The following DOCK3 variants were observed in gnomAD, a reference collection of about 807,000 sequenced individuals.
DOCK3 encodes the protein dedicator of cytokinesis 3, also known as dedicator of cytokinesis protein 3.
In DOCK3, 60 loss-of-function variants were observed where a neutral mutation model predicts 265.6. The observed-to-expected ratio is 0.23, with a 90% CI of 0.18 to 0.28. The LOEUF is 0.28. Ranked by LOEUF, DOCK3 falls within the 10% of genes least tolerant of loss-of-function variation. The pLI, the probability that DOCK3 is intolerant of heterozygous loss-of-function variation, is 1.00. For synonymous variants in DOCK3, 881 were observed against 938.0 expected, an observed-to-expected ratio of 0.94 and a Z score of 1.11; for missense variants, 1,981 against 2,594.3, an observed-to-expected ratio of 0.76 and a Z score of 5.14.
At chr3:51,275,400 A>G (rs746387135) in intron 25 of DOCK3, among the ~76,000 whole-genome samples, 194 bp downstream of exon 25, 1 of 152,170 alleles carries the variant, frequency 6.6e-6, no homozygotes, top group Non-Finnish European at 1.5e-5. Flanking sequence ...CATTCTTGCT[A>G]TTTTTAAAGG....
At chr3:50,801,336 A>G (rs771720970) in intron 2 of DOCK3, among the ~76,000 whole-genome samples, 18 of 152,100 alleles carry the variant, frequency 1.2e-4, no homozygotes, top group Non-Finnish European at 2.5e-4. Context: ...GGCAGGAAAA[A>G]TGGTTATGGC....
chr3:51,314,135 G>C (rs1331971779), intron 31 of DOCK3, among the ~76,000 whole-genome samples: 1 of 152,164 alleles, frequency 6.6e-6, no homozygotes, highest in Non-Finnish European at 1.5e-5. Context: ...GCAGAGCTCT[G>C]AAAGATGGTT....
chr3:51,118,754 G>A (rs766035458), intron 9 of DOCK3, among the ~76,000 whole-genome samples: 24 of 151,088 alleles, frequency 1.6e-4, no homozygotes, highest in African/African-American at 4.4e-4. Flanking sequence ...GGTCTTGATC[G>A]TGTTGGTTAA....
intron 1 of DOCK3, among the ~76,000 whole-genome samples, chr3:50,718,330 A>G (rs1043562752): frequency 4.6e-5 from 7 of 152,144 alleles, no homozygotes; most frequent in East Asian, 1.9e-4. Flanking sequence ...CACTGTTTGT[A>G]GCTTTTATAC....
At chr3:51,071,961 T>G (rs2081891242) in intron 6 of DOCK3, among the ~76,000 whole-genome samples, 1 of 152,212 alleles carries the variant, frequency 6.6e-6, no homozygotes, top group Non-Finnish European at 1.5e-5. Context: ...ATAGTCTTAG[T>G]AGGAGGAACT....
At chr3:50,888,256 C>T (rs558460113) in intron 3 of DOCK3, among the ~76,000 whole-genome samples, 1 of 152,174 alleles carries the variant, frequency 6.6e-6, no homozygotes, top group South Asian at 2.1e-4. Flanking sequence ...AACTCCCATT[C>T]ACAATTGCGT....
chr3:50,922,639 C>G (rs774580198), intron 4 of DOCK3, among the ~76,000 whole-genome samples: 1 of 152,228 alleles, frequency 6.6e-6, no homozygotes, highest in Non-Finnish European at 1.5e-5. Context: ...GAGCTGTAGA[C>G]TGGAGCTGTT....
At chr3:51,087,354 A>G (rs1201320315) in intron 7 of DOCK3, among the ~76,000 whole-genome samples, 1 of 152,256 alleles carries the variant, frequency 6.6e-6, no homozygotes. Context: ...TCAGTGTGAT[A>G]CATCACATTG....
chr3:51,204,909 C>G (rs959879516), intron 12 of DOCK3, among the ~76,000 whole-genome samples: 3 of 151,680 alleles, frequency 2.0e-5, no homozygotes, highest in African/African-American at 7.3e-5. Context: ...AGTAAACTAT[C>G]GCAAGAACAA....
rs2088744865 is a variant in DOCK3, at chr3:51,382,872, CCT to C, written c.*1317_*1318del. The C allele has an allele frequency of 6.6e-6, 1 of 152,338 alleles. No individual in the cohort carries two copies. Among genetic ancestry groups the C allele is most frequent in the African/African-American group, 2.4e-5 (1 of 41,394 alleles). 9.4% of individuals were successfully genotyped at this position (152,338 alleles called of 1,614,324 possible). A position where few individuals can be genotyped will look rare whatever the true frequency, so the allele number is the denominator to read the frequency against. On this transcript the variant is annotated 3_prime_UTR_variant, in exon 53 of 53. Transcript: ENST00000266037. ...TCATTCAAGTCAGGGCACTGATTTTCCTCTCAGTTTATTATTTGGGGGGATAG... is the reference window on the plus strand; with the variant it reads ...TCATTCAAGTCAGGGCACTGATTTTCCTCAGTTTATTATTTGGGGGGATAG...
chr3:50,944,952 C>G (rs937806226), intron 5 of DOCK3, among the ~76,000 whole-genome samples: 1 of 152,150 alleles, frequency 6.6e-6, no homozygotes, highest in African/African-American at 2.4e-5. Context: ...AAGAATGAAA[C>G]TCCATCTCAA....
Position 51,381,740 on chromosome 3 carries a change from C to T in DOCK3, c.*181C>T. 1 of 719,844 alleles carries T rather than the reference C, an allele frequency of 1.4e-6. No homozygotes were observed. Among genetic ancestry groups the T allele is most frequent in the East Asian group, 3.0e-5 (1 of 33,606 alleles). The allele number at this position is 719,844 out of a possible 1,614,324, so 44.6% of individuals were successfully genotyped here. On this transcript the variant is annotated 3_prime_UTR_variant, in exon 53 of 53. Transcript: ENST00000266037. This position sits in a 1 kb window ranked among gnomAD's most constrained non-coding sequence, Gnocchi z 5.6. The stretch of plus-strand genomic sequence containing the variant: ...CATGTGTTGCCATGTACAGAGGCCA[C>T]AGCAGCATGAAGGGTTGTGGCTTCC...
chr3:51,044,913 A>C (rs971710960), intron 5 of DOCK3, among the ~76,000 whole-genome samples: 1 of 152,214 alleles, frequency 6.6e-6, no homozygotes, highest in Non-Finnish European at 1.5e-5. Context: ...TGGCTTTGGC[A>C]TAAGGGAATA....
chr3:51,360,751 A>C, intron 47 of DOCK3, 119 bp downstream of exon 47: 3 of 1,378,124 alleles, frequency 2.2e-6, no homozygotes, highest in Non-Finnish European at 2.9e-6. Context: ...CACAGCAAAC[A>C]CTTATGTGGC....
At chr3:50,929,797 A>G (rs7623868) in intron 4 of DOCK3, among the ~76,000 whole-genome samples, 14,373 of 152,346 alleles carry the variant, frequency 0.094, 839 homozygotes, top group Non-Finnish European at 0.12. Flanking sequence ...TAAAAAATAT[A>G]AAGAACAATA....
chr3:50,918,516 A>G (rs1317672627), intron 4 of DOCK3, among the ~76,000 whole-genome samples: 2 of 152,130 alleles, frequency 1.3e-5, no homozygotes, highest in African/African-American at 4.8e-5. Flanking sequence ...GCCAGTGATA[A>G]TGAGCCTTTT....
At chr3:51,294,065 A>G (rs1193385298) in intron 27 of DOCK3, among the ~76,000 whole-genome samples, 2 of 152,242 alleles carry the variant, frequency 1.3e-5, no homozygotes, top group Admixed American at 6.5e-5. Flanking sequence ...GAATTACCAT[A>G]TAATCCAACA....
intron 9 of DOCK3, among the ~76,000 whole-genome samples, chr3:51,096,665 C>T (rs749021380): frequency 3.3e-5 from 5 of 152,198 alleles, no homozygotes; most frequent in Non-Finnish European, 7.3e-5. Flanking sequence ...AACTCATTCT[C>T]TATCCAGTTT....
intron 2 of DOCK3, among the ~76,000 whole-genome samples, chr3:50,784,163 C>T (rs1364983121): frequency 6.6e-6 from 1 of 152,132 alleles, no homozygotes; most frequent in African/African-American, 2.4e-5. Context: ...CCACTGCACC[C>T]ATCCTTGAGT....
Sources: gnomAD v4.1 joint callset for allele counts (sites outside exome capture counted in the v4.1 genomes callset) on GRCh38, gnomAD v4.1.1 for gene constraint, Gnocchi (gnomAD v3.1) non-coding constraint, MANE v1.5 for transcripts, NCBI Gene and HGNC (gene_info 2026-07-23, HGNC 2026-07-21) for gene names.